MLIP: variants seen among roughly 807,000 people sequenced by gnomAD.
MLIP encodes muscular LMNA-interacting protein.
In MLIP, 79 loss-of-function variants were observed where a neutral mutation model predicts 84.8. The observed-to-expected ratio is 0.93, with a 90% CI of 0.78 to 1.12. MLIP has a LOEUF of 1.12. Ranked by LOEUF, MLIP falls within the 50% of genes most tolerant of loss-of-function variation. The probability of loss-of-function intolerance (pLI) is 0.00; values close to 1 mark genes in which losing one functional copy is unlikely to be tolerated. For missense variants in MLIP, 1,257 were observed against 1,160.6 expected (o/e 1.08, Z -1.21); for synonymous variants, 504 against 463.0 (o/e 1.09, Z -1.14).
intron 11 of MLIP, chr6:54,203,635 G>T (rs1778843185): frequency 6.6e-6 from 1 of 152,164 alleles, no homozygotes; most frequent in African/African-American, 2.4e-5. Context: ...GTCTAGGCTG[G>T]AGCTCAATGG....
intron 5 of MLIP, among the ~76,000 whole-genome samples, chr6:54,156,684 T>C (rs1174270538): frequency 2.0e-5 from 3 of 152,112 alleles, no homozygotes; most frequent in Non-Finnish European, 4.4e-5. Context: ...ATATTACTTC[T>C]ATGATTCATT....
intron 10 of MLIP, among the ~76,000 whole-genome samples, chr6:54,195,765 C>G (rs1021142305): frequency 2.0e-5 from 3 of 152,018 alleles, no homozygotes; most frequent in Non-Finnish European, 4.4e-5. Flanking sequence ...TTTTCTGTCC[C>G]CAAGACTAAT....
chr6:54,088,416 C>T (rs372655951), intron 1 of MLIP, among the ~76,000 whole-genome samples: 14 of 152,186 alleles, frequency 9.2e-5, no homozygotes, highest in East Asian at 5.8e-4. Flanking sequence ...CAGAGTTAAA[C>T]GAGGTCAAAG....
chr6:54,182,960 C>T (rs1777033037), intron 9 of MLIP, among the ~76,000 whole-genome samples: 1 of 152,086 alleles, frequency 6.6e-6, no homozygotes, highest in African/African-American at 2.4e-5. Context: ...TATTAGATAG[C>T]ATACAGGTAA....
chr6:54,109,041 G>A (rs1161201427), upstream of MLIP, among the ~76,000 whole-genome samples: 1 of 112,736 alleles, frequency 8.9e-6, no homozygotes. Context: ...ATAATTTTAT[G>A]TCTTCATATA....
intron 11 of MLIP, among the ~76,000 whole-genome samples, chr6:54,218,763 A>G (rs955629707): frequency 5.3e-5 from 8 of 151,914 alleles, no homozygotes; most frequent in Admixed American, 3.9e-4. Context: ...TGATCTGCCC[A>G]CCTCAGCCTC....
At chr6:54,079,749 C>T (rs1011452162) in intron 1 of MLIP, 1 of 152,192 alleles carries the variant, frequency 6.6e-6, no homozygotes, top group Admixed American at 6.5e-5. Context: ...AAAAGATTCA[C>T]CAAAAGCAAT....
At chr6:54,159,227 T>C (rs1774360120) in intron 5 of MLIP, among the ~76,000 whole-genome samples, 1 of 152,084 alleles carries the variant, frequency 6.6e-6, no homozygotes, top group Non-Finnish European at 1.5e-5. Flanking sequence ...GATTTTCTTA[T>C]ATCAATCTAG....
chr6:54,169,456 C>T, intron 8 of MLIP, 72 bp from the exon 9 acceptor site: 1 of 1,004,176 alleles, frequency 1.0e-6, no homozygotes, highest in Non-Finnish European at 1.4e-6. Flanking sequence ...AAGGTGAACA[C>T]ATTCCAGAAG....
chr6:54,122,086 C>T (rs1207042204), intron 2 of MLIP, among the ~76,000 whole-genome samples: 2 of 152,166 alleles, frequency 1.3e-5, no homozygotes, highest in Non-Finnish European at 2.9e-5. Flanking sequence ...AATACTTTAT[C>T]TATAGTTATA....
Position 54,252,287 on chromosome 6 carries a change from T to C in MLIP, c.2923-5021T>C, listed in dbSNP as rs187217725. On this transcript the variant is annotated intron_variant, in intron 12 of 13. Transcript: ENST00000502396. ...TATAATATATAATATAACTATAATA[T>C]ATTATACCATATAATATATAATATA... is the stretch of plus-strand genomic sequence containing the variant. Among the ~76,000 whole-genome samples, 486 of 115,610 alleles carry C rather than the reference T, an allele frequency of 4.2e-3. 4 individuals are homozygous for C. Among genetic ancestry groups the C allele is most frequent in the African/African-American group, 0.016 (454 of 27,540 alleles). The allele number at this position is 115,610 out of a possible 152,430, so 75.8% of individuals were successfully genotyped here. A position where few individuals can be genotyped will look rare whatever the true frequency, so the allele number is the denominator to read the frequency against.
intron 1 of MLIP, among the ~76,000 whole-genome samples, chr6:54,094,177 T>A (rs9474734): frequency 1.3e-5 from 2 of 152,266 alleles, no homozygotes; most frequent in African/African-American, 4.8e-5. Context: ...AGCTTTGAAT[T>A]CTTTTATCTT....
At position 54,266,045 on chromosome 6, in the gene MLIP, T is replaced by C. The variant is rs75590101; in HGVS notation, c.*90T>C. 6 of 1,245,796 alleles carry C rather than the reference T, an allele frequency of 4.8e-6. No homozygotes were observed. Among genetic ancestry groups the C allele is most frequent in the Non-Finnish European group, 5.7e-6 (5 of 873,226 alleles). 77.2% of individuals were successfully genotyped at this position (1,245,796 alleles called of 1,614,324 possible). A position where few individuals can be genotyped will look rare whatever the true frequency, so the allele number is the denominator to read the frequency against. On this transcript the variant is annotated 3_prime_UTR_variant, in exon 14 of 14. Transcript: ENST00000502396. ...GCTAGATTTAACTTTTTTTTTTTTT[T>C]CCAGAATGAGTGCTCCCTTTATGAG...
At chr6:54,070,999 T>C (rs887600179) in intron 1 of MLIP, among the ~76,000 whole-genome samples, 3 of 152,174 alleles carry the variant, frequency 2.0e-5, no homozygotes, top group African/African-American at 7.2e-5. Context: ...CATGGACCCA[T>C]TGAATGCTAT....
chr6:54,255,885 T>A (rs1782972564), intron 12 of MLIP, among the ~76,000 whole-genome samples: 1 of 152,218 alleles, frequency 6.6e-6, no homozygotes, highest in Non-Finnish European at 1.5e-5. Flanking sequence ...GATATTGTAC[T>A]ACTTAACCTA....
rs748808599 is a variant in MLIP at position 54,068,035 on chromosome 6, T to C, written c.63+48944T>C. On this transcript the variant is annotated intron_variant, in intron 1 of 12. Transcript: ENST00000274897. Reference sequence around the variant, plus strand: ...CAGCTCCTTCCTTCCTTCCTTCCTTTTTTCTTTCCTTCCTTCCTTCCTTCC... The same window carrying C: ...CAGCTCCTTCCTTCCTTCCTTCCTTCTTTCTTTCCTTCCTTCCTTCCTTCC... Among the ~76,000 whole-genome samples, 14 of 18,044 alleles carry C rather than the reference T, an allele frequency of 7.8e-4. 3 individuals carry two copies. In the East Asian group the frequency reaches 8.5e-3, roughly 11 times the overall value. The allele number at this position is 18,044 out of a possible 152,430, so 11.8% of individuals were successfully genotyped here.
intron 1 of MLIP, 95 bp from the exon 2 acceptor site, chr6:54,121,352 C>A (rs1252530324): frequency 8.2e-6 from 11 of 1,340,590 alleles, no homozygotes; most frequent in Non-Finnish European, 1.2e-5. Flanking sequence ...GGCAATTCAT[C>A]AAAATAAATG....
chr6:54,258,398 T>A (rs1295335282), intron 13 of MLIP, among the ~76,000 whole-genome samples: 1 of 152,156 alleles, frequency 6.6e-6, no homozygotes, highest in Non-Finnish European at 1.5e-5. Context: ...CTTTTTGCTG[T>A]AACATTAGTC....
intron 1 of MLIP, among the ~76,000 whole-genome samples, chr6:54,031,214 A>AT (rs11445592): frequency 0.52 from 78,322 of 151,404 alleles, 20,661 homozygotes; most frequent in Non-Finnish European, 0.59. Context: ...GCTCAGAGTA[A>AT]TTTTTTTTTG....
Sources: allele counts gnomAD v4.1 joint callset (sites outside exome capture counted in the v4.1 genomes callset), GRCh38; gene constraint gnomAD v4.1.1; transcripts MANE v1.5; gene names NCBI Gene and HGNC (gene_info 2026-07-23, HGNC 2026-07-21).